Variants in OR4K15 observed in about 807,000 individuals in gnomAD.
The protein encoded by OR4K15 is olfactory receptor family 4 subfamily K member 15.
For missense variants in OR4K15, 392 were observed against 390.2 expected (o/e 1.00, Z -0.04); for synonymous variants, 144 against 145.6 (o/e 0.99, Z 0.08).
Position 19,976,394 on chromosome 14 carries a change from C to G in OR4K15, c.804C>G (p.Asp268Glu). The G allele has an allele frequency of 6.2e-7, 1 of 1,613,850 alleles. No homozygotes were observed. ...GGCCCTTCAGCAGTTACTCAGTTGA[C>G]AAAGTCCTTGCTGTATTCTACACCA... ...YVWPFSSYSV[D>E]KVLAVFYTIF... The change falls in exon 1 of 1, where the codon GAC (aspartate) becomes GAG (glutamate). Residue 268 changes from aspartate (D) to glutamate (E), a missense_variant. Coordinates refer to ENST00000305051, the MANE Select transcript of OR4K15 (RefSeq NM_001005486.2).
At position 19,976,263 on chromosome 14, in the gene OR4K15, G is replaced by A. The variant is rs1883027923; in HGVS notation, c.673G>A (p.Val225Ile). The A allele has an allele frequency of 6.2e-7, 1 of 1,613,538 alleles. No homozygotes were observed. The highest frequency in any genetic ancestry group is 1.3e-5 in the African/African-American group (1 of 74,884). The change falls in exon 1 of 1, where the codon GTT becomes ATT. Residue 225 changes from valine to isoleucine, a missense_variant. Coordinates refer to ENST00000305051, the MANE Select transcript of OR4K15 (RefSeq NM_001005486.2). ...CTCCTACACTGTAATACTTGTTACAGTTAGGAATCGCTCCTCTGCAAGCAT... is the reference window on the plus strand; with the variant it reads ...CTCCTACACTGTAATACTTGTTACAATTAGGAATCGCTCCTCTGCAAGCAT... ...VVSYTVILVTVRNRSSASMAK... is the reference protein window; with the variant it reads ...VVSYTVILVTIRNRSSASMAK...
Position 19,976,367 on chromosome 14 carries a change from G to A in OR4K15, c.777G>A (p.Val259=). The A allele has an allele frequency of 1.9e-6, 3 of 1,613,810 alleles. No individual in the cohort carries two copies. The highest frequency in any genetic ancestry group is 2.5e-6 in the Non-Finnish European group (3 of 1,179,758). The part of the protein sequence containing the change: ...LFFGPCIFIY[V]WPFSSYSVDK... ...TTGGACCATGCATTTTCATCTATGTGTGGCCCTTCAGCAGTTACTCAGTTG... is the reference window on the plus strand; with the variant it reads ...TTGGACCATGCATTTTCATCTATGTATGGCCCTTCAGCAGTTACTCAGTTG... The change falls in exon 1 of 1, where the codon GTG becomes GTA. Residue 259 remains valine, a synonymous_variant. Transcript: ENST00000305051.
chr14:19,975,696 C>T lies in OR4K15; in HGVS notation c.106C>T (p.Leu36=), dbSNP rs1373392170. 6.2e-7 allele frequency: 1 copy of T among 1,613,272 alleles called. No individual in the cohort carries two copies. Among genetic ancestry groups the T allele is most frequent in the Non-Finnish European group, 8.5e-7 (1 of 1,179,554 alleles). The change falls in exon 1 of 1, where the codon CTA becomes TTA. Residue 36 remains leucine (L), a synonymous_variant. Coordinates refer to ENST00000305051, the MANE Select transcript of OR4K15 (RefSeq NM_001005486.2). ...FLFLTFSLLY[L]AILLGNFLII... ...GTTTCTTACATTTTCACTACTTTAT[C>T]TAGCAATTCTGTTGGGCAACTTTCT...
At position 19,975,621 on chromosome 14, in the gene OR4K15, G is replaced by C. The variant is rs899894437; in HGVS notation, c.31G>C (p.Glu11Gln). Residue 11 changes from glutamate to glutamine, a missense_variant, in exon 1 of 1, where the codon GAA becomes CAA. Coordinates refer to ENST00000305051, the MANE Select transcript of OR4K15 (RefSeq NM_001005486.2). MNETNHSRVT[E>Q]FVLLGLSSSR... ...TGAGACAAATCATTCTCGGGTGACA[G>C]AATTTGTGTTGCTGGGACTGTCTAG... is the stretch of plus-strand genomic sequence containing the variant. 6.2e-7 allele frequency: 1 copy of C among 1,613,282 alleles called. No individual in the cohort carries two copies. Among genetic ancestry groups the C allele is most frequent in the African/African-American group, 1.3e-5 (1 of 74,872 alleles).
rs1182849205 is a variant in OR4K15 at position 19,976,116 on chromosome 14, A to C, written c.526A>C (p.Ser176Arg). 2.5e-6 allele frequency: 4 copies of C among 1,613,730 alleles called. No individual in the cohort carries two copies. The African/African-American group carries it at 5.3e-5, about 22-fold the overall frequency. The change falls in exon 1 of 1, where the codon AGT becomes CGT. Residue 176 changes from serine to arginine, a missense_variant. By Grantham distance (110) the Ser-to-Arg change is moderately radical. Transcript: ENST00000305051. ...LPFCGPNKVD[S>R]FFCDLPLVTK... ...ATTTTGTGGTCCTAATAAGGTAGAC[A>C]GTTTTTTCTGTGACCTTCCTCTAGT...
Position 19,975,813 on chromosome 14 carries a change from T to C in OR4K15, c.223T>C (p.Ser75Pro). The change falls in exon 1 of 1, where the codon TCT becomes CCT. Residue 75 changes from serine (S) to proline (P), a missense_variant. Physicochemically the swap from Ser to Pro is moderately conservative, Grantham distance 74. Coordinates refer to ENST00000305051, the MANE Select transcript of OR4K15 (RefSeq NM_001005486.2). ...GTCATTTATAGACGTATGTGTTGCC[T>C]CTTTTGCTACCCCTAAAATGATTGC... The part of the protein sequence containing the change: ...NLSFIDVCVA[S>P]FATPKMIADF... 1.9e-6 allele frequency: 3 copies of C among 1,613,606 alleles called. No individual in the cohort carries two copies. Among genetic ancestry groups the C allele is most frequent in the African/African-American group, 1.3e-5 (1 of 74,968 alleles).
Position 19,976,501 on chromosome 14 carries a change from G to A in OR4K15, c.911G>A (p.Arg304Gln), listed in dbSNP as rs757942891. The change falls in exon 1 of 1, where the codon CGG (arginine) becomes CAG (glutamine). Residue 304 changes from arginine to glutamine, a missense_variant. Coordinates refer to ENST00000305051, the MANE Select transcript of OR4K15 (RefSeq NM_001005486.2). ...VKAAMSKLKS[R>Q]YLKPSQVSVV... is the part of the protein sequence containing the mutation. ...GCAGCTATGTCAAAACTGAAGAGTC[G>A]GTATCTGAAGCCTAGTCAGGTTTCT... is the stretch of plus-strand genomic sequence containing the variant. The A allele has an allele frequency of 1.5e-5, 24 of 1,613,092 alleles. No homozygotes were observed. In the South Asian group the frequency reaches 1.8e-4, roughly 12 times the overall value.
rs750689496 is a variant in OR4K15 at position 19,976,373 on chromosome 14, C to G, written c.783C>G (p.Pro261=). 1.2e-6 allele frequency: 2 copies of G among 1,613,860 alleles called. No individual in the cohort carries two copies. Among genetic ancestry groups the G allele is most frequent in the East Asian group, 4.5e-5 (2 of 44,882 alleles). Residue 261 remains proline (P), a synonymous_variant, in exon 1 of 1, where the codon CCC becomes CCG. Transcript: ENST00000305051. ...CATGCATTTTCATCTATGTGTGGCC[C>G]TTCAGCAGTTACTCAGTTGACAAAG... ...FGPCIFIYVW[P]FSSYSVDKVL... is the part of the protein sequence containing the mutation.
In OR4K15 at chr14:19,976,538, A is replaced by G. The variant is rs1402675388; in HGVS notation, c.948A>G (p.Arg316=). Reference sequence around the variant, plus strand: ...CTAGTCAGGTTTCTGTAGTCATAAGAAATGTTCTTTTCCTAGAAACAAAGT... The same window carrying G: ...CTAGTCAGGTTTCTGTAGTCATAAGGAATGTTCTTTTCCTAGAAACAAAGT... ...LKPSQVSVVI[R]NVLFLETK is the part of the protein sequence containing the mutation. Residue 316 remains arginine (R), a synonymous_variant, in exon 1 of 1, where the codon AGA becomes AGG. Transcript: ENST00000305051. 6 of 1,608,090 alleles carry G rather than the reference A, an allele frequency of 3.7e-6. No individual in the cohort carries two copies. Among genetic ancestry groups the G allele is most frequent in the Admixed American group, 1.7e-5 (1 of 59,200 alleles).
chr14:19,976,215 A>C lies in OR4K15; in HGVS notation c.625A>C (p.Ser209Arg), dbSNP rs751467396. Residue 209 changes from serine (S) to arginine (R), a missense_variant, in exon 1 of 1, where the codon AGT becomes CGT. Coordinates refer to ENST00000305051, the MANE Select transcript of OR4K15 (RefSeq NM_001005486.2). ...TGCAGATAGTGGCTTTCTTTCTCTG[A>C]GTTCCTTTCTCCTCTTGGTTGTCTC... is the stretch of plus-strand genomic sequence containing the variant. Reference protein sequence around the residue: ...IVADSGFLSLSSFLLLVVSYT... With the variant: ...IVADSGFLSLRSFLLLVVSYT... 9.3e-6 allele frequency: 15 copies of C among 1,613,454 alleles called. No individual in the cohort carries two copies. Among genetic ancestry groups the C allele is most frequent in the Non-Finnish European group, 1.3e-5 (15 of 1,179,632 alleles).
Position 19,975,953 on chromosome 14 carries a change from C to G in OR4K15, c.363C>G (p.Asp121Glu), listed in dbSNP as rs763859468. The G allele has an allele frequency of 6.2e-7, 1 of 1,613,608 alleles. No individual in the cohort carries two copies. The highest frequency in any genetic ancestry group is 2.2e-5 in the East Asian group (1 of 44,864). Residue 121 changes from aspartate (D) to glutamate (E), a missense_variant, in exon 1 of 1, where the codon GAC becomes GAG. Transcript: ENST00000305051. Reference sequence around the variant, plus strand: ...TGCTCCTAGTTTCCATGGCCTATGACCGTTATGTTGCTATATGCAAACCTC... The same window carrying G: ...TGCTCCTAGTTTCCATGGCCTATGAGCGTTATGTTGCTATATGCAAACCTC... ...EMVLLVSMAY[D>E]RYVAICKPLH...
Position 19,975,620 on chromosome 14 carries a change from A to G in OR4K15, c.30A>G (p.Thr10=), listed in dbSNP as rs768062436. Residue 10 remains threonine (T), a synonymous_variant, in exon 1 of 1, where the codon ACA becomes ACG. Coordinates refer to ENST00000305051, the MANE Select transcript of OR4K15 (RefSeq NM_001005486.2). MNETNHSRV[T]EFVLLGLSSS... ...ATGAGACAAATCATTCTCGGGTGAC[A>G]GAATTTGTGTTGCTGGGACTGTCTA... The G allele has an allele frequency of 6.2e-7, 1 of 1,613,404 alleles. No homozygotes were observed. Among genetic ancestry groups the G allele is most frequent in the Non-Finnish European group, 8.5e-7 (1 of 1,179,504 alleles).
At position 19,975,878 on chromosome 14, in the gene OR4K15, C is replaced by G. The variant is rs771918291; in HGVS notation, c.288C>G (p.Ala96=). 1 of 1,613,508 alleles carries G rather than the reference C, an allele frequency of 6.2e-7. No individual in the cohort carries two copies. Among genetic ancestry groups the G allele is most frequent in the Admixed American group, 1.7e-5 (1 of 59,928 alleles). Reference sequence around the variant, plus strand: ...AGCGCAAGACTATTTCTTTTGATGCCTGCCTGGCCCAGATTTTCTTTGTTC... The same window carrying G: ...AGCGCAAGACTATTTCTTTTGATGCGTGCCTGGCCCAGATTTTCTTTGTTC... ...LVERKTISFD[A]CLAQIFFVHL... The change falls in exon 1 of 1, where the codon GCC becomes GCG. Residue 96 remains alanine, a synonymous_variant. Transcript: ENST00000305051.
In OR4K15 at chr14:19,975,945, G is replaced by T; in HGVS notation, c.355G>T (p.Ala119Ser). The T allele has an allele frequency of 6.2e-7, 1 of 1,613,602 alleles. No individual in the cohort carries two copies. Among genetic ancestry groups the T allele is most frequent in the Non-Finnish European group, 8.5e-7 (1 of 1,179,820 alleles). The change falls in exon 1 of 1, where the codon GCC becomes TCC. Residue 119 changes from alanine (A) to serine (S), a missense_variant. Ala to Ser is a moderately conservative substitution (Grantham distance 99). Coordinates refer to ENST00000305051, the MANE Select transcript of OR4K15 (RefSeq NM_001005486.2). ...TGAAATGGTGCTCCTAGTTTCCATG[G>T]CCTATGACCGTTATGTTGCTATATG... ...GSEMVLLVSM[A>S]YDRYVAICKP...
In OR4K15 at chr14:19,975,792, T is replaced by C; in HGVS notation, c.202T>C (p.Phe68Leu). ...PMYFLLANLS[F>L]IDVCVASFAT... ...GTACTTTCTGCTTGCAAACCTGTCA[T>C]TTATAGACGTATGTGTTGCCTCTTT... The change falls in exon 1 of 1, where the codon TTT (phenylalanine) becomes CTT (leucine). Residue 68 changes from phenylalanine to leucine, a missense_variant. Physicochemically the swap from Phe to Leu is conservative, Grantham distance 22. Coordinates refer to ENST00000305051, the MANE Select transcript of OR4K15 (RefSeq NM_001005486.2). 6.2e-7 allele frequency: 1 copy of C among 1,613,520 alleles called. No individual in the cohort carries two copies. The highest frequency in any genetic ancestry group is 8.5e-7 in the Non-Finnish European group (1 of 1,179,660).
At position 19,975,648 on chromosome 14, in the gene OR4K15, T is replaced by C; in HGVS notation, c.58T>C (p.Ser20Pro). Residue 20 changes from serine (S) to proline (P), a missense_variant, in exon 1 of 1, where the codon TCA becomes CCA. Physicochemically the swap from Ser to Pro is moderately conservative, Grantham distance 74. Transcript: ENST00000305051. ...ATTTGTGTTGCTGGGACTGTCTAGTTCAAGGGAGCTCCAACCTTTCTTGTT... is the reference window on the plus strand; with the variant it reads ...ATTTGTGTTGCTGGGACTGTCTAGTCCAAGGGAGCTCCAACCTTTCTTGTT... ...TEFVLLGLSS[S>P]RELQPFLFLT... 3 of 1,613,492 alleles carry C rather than the reference T, an allele frequency of 1.9e-6. No homozygotes were observed. Among genetic ancestry groups the C allele is most frequent in the Non-Finnish European group, 2.5e-6 (3 of 1,179,574 alleles).
Position 19,976,044 on chromosome 14 carries a change from G to A in OR4K15, c.454G>A (p.Gly152Ser), listed in dbSNP as rs1307254508. The A allele has an allele frequency of 5.0e-6, 8 of 1,613,584 alleles. No individual in the cohort carries two copies. In the African/African-American group the frequency reaches 5.3e-5, roughly 11 times the overall value. ...GCTCGTCCTCATTTCATGGTTTGTG[G>A]GCTTCATCCATACTACCAGCCAGTT... ...VVLVLISWFV[G>S]FIHTTSQLAF... is the part of the protein sequence containing the mutation. Residue 152 changes from glycine (G) to serine (S), a missense_variant, in exon 1 of 1, where the codon GGC (glycine) becomes AGC (serine). Coordinates refer to ENST00000305051, the MANE Select transcript of OR4K15 (RefSeq NM_001005486.2).
chr14:19,976,526 T>C lies in OR4K15; in HGVS notation c.936T>C (p.Ser312=), dbSNP rs769680725. 1.6e-5 allele frequency: 25 copies of C among 1,611,362 alleles called. No homozygotes were observed. The highest frequency in any genetic ancestry group is 3.4e-5 in the Admixed American group (2 of 59,632). ...GGTATCTGAAGCCTAGTCAGGTTTCTGTAGTCATAAGAAATGTTCTTTTCC... is the reference window on the plus strand; with the variant it reads ...GGTATCTGAAGCCTAGTCAGGTTTCCGTAGTCATAAGAAATGTTCTTTTCC... ...KSRYLKPSQV[S]VVIRNVLFLE... Residue 312 remains serine (S), a synonymous_variant, in exon 1 of 1, where the codon TCT becomes TCC. Coordinates refer to ENST00000305051, the MANE Select transcript of OR4K15 (RefSeq NM_001005486.2).
In OR4K15 at chr14:19,975,808, T is replaced by C. The variant is rs199908615; in HGVS notation, c.218T>C (p.Val73Ala). ...LANLSFIDVC[V>A]ASFATPKMIA... The stretch of plus-strand genomic sequence containing the variant: ...AACCTGTCATTTATAGACGTATGTG[T>C]TGCCTCTTTTGCTACCCCTAAAATG... Residue 73 changes from valine (V) to alanine (A), a missense_variant, in exon 1 of 1, where the codon GTT becomes GCT. Physicochemically the swap from Val to Ala is moderately conservative, Grantham distance 64 (BLOSUM62 0). Transcript: ENST00000305051. 3.1e-6 allele frequency: 5 copies of C among 1,613,602 alleles called. No homozygotes were observed. The African/African-American group carries it at 4.0e-5, about 13-fold the overall frequency.
Sources: allele counts gnomAD v4.1 joint callset, GRCh38; gene constraint gnomAD v4.1.1; transcripts MANE v1.5; gene names NCBI Gene and HGNC (gene_info 2026-07-23, HGNC 2026-07-21).